Variants in IQCK observed in about 807,000 individuals in gnomAD.
The protein encoded by IQCK is IQ motif containing K.
In IQCK, 29 loss-of-function variants were observed where a neutral mutation model predicts 28.1. That is an observed-to-expected ratio of 1.03 (90% CI 0.77 to 1.41). IQCK has a LOEUF of 1.41. Ranked by LOEUF, IQCK falls within the 40% of genes most tolerant of loss-of-function variation. The probability of loss-of-function intolerance (pLI) is 0.00; values close to 1 mark genes in which losing one functional copy is unlikely to be tolerated. For missense variants in IQCK, 359 were observed against 314.7 expected, an observed-to-expected ratio of 1.14 and a Z score of -1.07; for synonymous variants, 113 against 115.1, an observed-to-expected ratio of 0.98 and a Z score of 0.12.
At chr16:19,811,791 G>A (rs2055908847) in intron 7 of IQCK, among the ~76,000 whole-genome samples, 2 of 152,102 alleles carry the variant, frequency 1.3e-5, no homozygotes, top group African/African-American at 2.4e-5. Context: ...TTAACATTCT[G>A]TTTATTAGAA....
chr16:19,812,752 A>C (rs1273938580), intron 7 of IQCK, among the ~76,000 whole-genome samples: 1 of 152,218 alleles, frequency 6.6e-6, no homozygotes, highest in Non-Finnish European at 1.5e-5. Flanking sequence ...GCAATTTGAG[A>C]CTATAAAATA....
chr16:19,759,453 C>T (rs892701099), intron 4 of IQCK, among the ~76,000 whole-genome samples: 4 of 152,102 alleles, frequency 2.6e-5, no homozygotes. Flanking sequence ...AGGTGATCCG[C>T]CTGCCTCGGC....
chr16:19,855,390 G>A (rs1420287429), intron 9 of IQCK, among the ~76,000 whole-genome samples: 2 of 152,090 alleles, frequency 1.3e-5, no homozygotes, highest in South Asian at 2.1e-4. Context: ...CTGGGAGTTC[G>A]AGACCAGCCT....
At chr16:19,832,065 T>C (rs1356323692), downstream of IQCK, among the ~76,000 whole-genome samples, 1 of 152,112 alleles carries the variant, frequency 6.6e-6, no homozygotes, top group African/African-American at 2.4e-5. Context: ...GTAAAAAATA[T>C]CGTGTCTCGA....
At chr16:19,846,304 G>A (rs1412456780) in intron 9 of IQCK, among the ~76,000 whole-genome samples, 2 of 152,202 alleles carry the variant, frequency 1.3e-5, no homozygotes, top group African/African-American at 2.4e-5. Context: ...GCTCTAAGCA[G>A]CTAAGCTGTG....
intron 9 of IQCK, among the ~76,000 whole-genome samples, chr16:19,843,329 C>T (rs914485004): frequency 6.6e-6 from 1 of 152,146 alleles, no homozygotes; most frequent in Non-Finnish European, 1.5e-5. Context: ...TTTCATCACC[C>T]CCAGAAGAAA....
intron 7 of IQCK, among the ~76,000 whole-genome samples, chr16:19,805,184 G>A (rs776530392): frequency 1.9e-4 from 29 of 152,042 alleles, no homozygotes; most frequent in Admixed American, 1.1e-3. Context: ...GTTGGTTGTC[G>A]TTTCTGGCTG....
intron 7 of IQCK, among the ~76,000 whole-genome samples, chr16:19,809,777 A>ACACAGC (rs1225263013): frequency 5.3e-5 from 8 of 152,304 alleles, no homozygotes; most frequent in African/African-American, 1.7e-4. Context: ...GCCTGTTAAC[A>ACACAGC]CACAGCCGAT....
At chr16:19,736,663 C>A (rs900539702) in intron 4 of IQCK, among the ~76,000 whole-genome samples, 3 of 152,162 alleles carry the variant, frequency 2.0e-5, no homozygotes, top group African/African-American at 7.2e-5. Flanking sequence ...ACCAGGCACT[C>A]GCTCTGTGCC....
intron 6 of IQCK, among the ~76,000 whole-genome samples, chr16:19,765,781 T>A (rs531749087): frequency 2.0e-5 from 3 of 152,198 alleles, no homozygotes; most frequent in Non-Finnish European, 4.4e-5. Context: ...CGCTATGAAA[T>A]GTATAGCCCA....
Position 19,839,399 on chromosome 16 carries a change from G to T in IQCK, c.802+12262G>T, listed in dbSNP as rs567286035. ...TGGTCTCGAACTCCTGACCACAAGT[G>T]ATCCACCCTCCTCGGCTTCCCAAAG... On this transcript the variant is annotated intron_variant, in intron 9 of 9. Coordinates refer to the IQCK transcript ENST00000320394. Among the ~76,000 whole-genome samples the T allele has an allele frequency of 2.6e-5, 4 of 152,096 alleles. No individual in the cohort carries two copies. In the East Asian group the frequency reaches 7.8e-4, roughly 30 times the overall value.
intron 6 of IQCK, among the ~76,000 whole-genome samples, chr16:19,770,984 A>G (rs2055312308): frequency 6.6e-6 from 1 of 152,164 alleles, no homozygotes. Flanking sequence ...ACATTAGCTC[A>G]CCTAGATAAT....
intron 9 of IQCK, among the ~76,000 whole-genome samples, chr16:19,849,187 T>C (rs1383021553): frequency 6.6e-6 from 1 of 152,152 alleles, no homozygotes; most frequent in East Asian, 1.9e-4. Context: ...TGTATAGCAA[T>C]ACAGGTATAC....
intron 6 of IQCK, among the ~76,000 whole-genome samples, chr16:19,782,004 A>C (rs897392760): frequency 6.6e-6 from 1 of 151,610 alleles, no homozygotes; most frequent in Non-Finnish European, 1.5e-5. Context: ...ACAACAAAAA[A>C]GAATGTGATG....
chr16:19,765,449 T>C (rs559285837), intron 6 of IQCK, among the ~76,000 whole-genome samples: 1 of 151,026 alleles, frequency 6.6e-6, no homozygotes, highest in Admixed American at 6.6e-5. Flanking sequence ...GAGGCAGGAG[T>C]ATCGCTTGAA....
chr16:19,739,154 G>A (rs1479229451), intron 4 of IQCK, among the ~76,000 whole-genome samples: 2 of 152,180 alleles, frequency 1.3e-5, no homozygotes, highest in Non-Finnish European at 2.9e-5. Context: ...GGTGGAACTG[G>A]GGGTGGGGGC....
intron 6 of IQCK, among the ~76,000 whole-genome samples, chr16:19,771,390 C>T (rs1022670781): frequency 1.3e-5 from 2 of 152,182 alleles, no homozygotes; most frequent in African/African-American, 4.8e-5. Context: ...CCATGCCCGA[C>T]CAGTTTCTGG....
chr16:19,747,519 G>A (rs1358118878), intron 4 of IQCK, among the ~76,000 whole-genome samples: 1 of 151,868 alleles, frequency 6.6e-6, no homozygotes, highest in Non-Finnish European at 1.5e-5. Context: ...TAAATGTGTG[G>A]GGTTTAAATA....
At chr16:19,736,202 C>A (rs749137994) in intron 4 of IQCK, 11 of 453,832 alleles carry the variant, frequency 2.4e-5, no homozygotes, top group Non-Finnish European at 4.9e-5. Flanking sequence ...AGTAAGTGCT[C>A]AGTAAATAAC....
Sources: gnomAD v4.1 joint callset for allele counts (sites outside exome capture counted in the v4.1 genomes callset) on GRCh38, gnomAD v4.1.1 for gene constraint, MANE v1.5 for transcripts, NCBI Gene and HGNC (gene_info 2026-07-23, HGNC 2026-07-21) for gene names.